Variants in SHANK1 observed in about 807,000 individuals in gnomAD.
SHANK1 encodes SH3 and multiple ankyrin repeat domains protein 1.
In SHANK1, 35 loss-of-function variants were observed where a neutral mutation model predicts 165.6. The observed-to-expected ratio is 0.21, with a 90% CI of 0.16 to 0.28. The LOEUF is 0.28. Among genes scored for constraint, SHANK1 ranks in the 10% least tolerant of loss-of-function variants. SHANK1 has a pLI of 1.00. For missense variants in SHANK1, 2,681 were observed against 3,036.4 expected (o/e 0.88, Z 2.75); for synonymous variants, 1,428 against 1,384.8 (o/e 1.03, Z -0.69).
chr19:50,691,086 C>T (rs1450092299), intron 15 of SHANK1, among the ~76,000 whole-genome samples: 1 of 152,090 alleles, frequency 6.6e-6, no homozygotes, highest in Non-Finnish European at 1.5e-5. Flanking sequence ...GTAAACTCAT[C>T]CACACCATAC....
Position 50,670,599 on chromosome 19 carries a change from G to A in SHANK1, c.2675-1314C>T, listed in dbSNP as rs1985752631. Reference sequence around the variant, plus strand: ...CACCATGACTCCCCAGACCCTGCAGGATCGGGACCCTGTCCCCCCACTGCC... The same window carrying A: ...CACCATGACTCCCCAGACCCTGCAGAATCGGGACCCTGTCCCCCCACTGCC... On this transcript the variant is annotated intron_variant, in intron 22 of 23. Coordinates refer to ENST00000293441, the MANE Select transcript of SHANK1 (RefSeq NM_016148.5). This position sits in a 1 kb window ranked among gnomAD's most constrained non-coding sequence, Gnocchi z 4.1. 1.3e-5 allele frequency among the ~76,000 whole-genome samples: 2 copies of A among 152,058 alleles called. No homozygotes were observed. Among genetic ancestry groups the A allele is most frequent in the Admixed American group, 1.3e-4 (2 of 15,250 alleles).
In SHANK1 at chr19:50,662,616, G is replaced by A. The variant is rs1402709967; in HGVS notation, c.5835C>T (p.Pro1945=). ...KPVSSLFQNW[P]KPPLPPLPTG... ...TGGGGAGTGGCGGCAGAGGTGGTTT[G>A]GGCCAGTTCTGAAACAGGCTGCTGA... Residue 1945 remains proline, a synonymous_variant, in exon 24 of 24, where the codon CCC becomes CCT. Coordinates refer to ENST00000293441, the MANE Select transcript of SHANK1 (RefSeq NM_016148.5). This position sits in a 1 kb window ranked among gnomAD's most constrained non-coding sequence, Gnocchi z 7.7. 6.4e-7 allele frequency: 1 copy of A among 1,564,154 alleles called. No individual in the cohort carries two copies. Among genetic ancestry groups the A allele is most frequent in the East Asian group, 2.4e-5 (1 of 41,974 alleles).
chr19:50,714,388 G>A, intron 4 of SHANK1, 98 bp from the exon 5 acceptor site: 1 of 972,922 alleles, frequency 1.0e-6, no homozygotes, highest in Non-Finnish European at 1.6e-6. Flanking sequence ...TATACGTGGA[G>A]TCACATACGC....
chr19:50,688,130 A>G lies in SHANK1; in HGVS notation c.2173-72T>C, dbSNP rs1986420130. ...GGTGCTTGCAGCTTCAGAGACCCCA[A>G]GGAGGATGCCTCCTGCGCTGCCCTG... On this transcript the variant is annotated intron_variant, in intron 17 of 23. Transcript: ENST00000293441. This position sits in a 1 kb window ranked among gnomAD's most constrained non-coding sequence, Gnocchi z 6.7. 2 of 1,578,798 alleles carry G rather than the reference A, an allele frequency of 1.3e-6. No individual in the cohort carries two copies. The highest frequency in any genetic ancestry group is 3.4e-5 in the Admixed American group (2 of 59,484).
rs1278850665 is a variant in SHANK1 at position 50,662,178 on chromosome 19, G to A, written c.6273C>T (p.Gly2091=). The A allele has an allele frequency of 6.2e-6, 10 of 1,610,764 alleles. No individual in the cohort carries two copies. The highest frequency in any genetic ancestry group is 1.3e-5 in the African/African-American group (1 of 75,004). The stretch of plus-strand genomic sequence containing the variant: ...TGGTCCAGAACCCCAGAGGTTTAGC[G>A]CCAAACGGCTTGTCCGGGGGCAGCG... ...LLSLPPDKPF[G]AKPLGFWTKF... The change falls in exon 24 of 24, where the codon GGC becomes GGT. Residue 2091 remains glycine (G), a synonymous_variant. Coordinates refer to ENST00000293441, the MANE Select transcript of SHANK1 (RefSeq NM_016148.5). The surrounding 1 kb of genome is among the most constrained non-coding windows in gnomAD (Gnocchi z 7.7).
At position 50,697,066 on chromosome 19, in the gene SHANK1, C is replaced by T. The variant is rs748379914; in HGVS notation, c.1964+30G>A. The T allele has an allele frequency of 1.3e-6, 2 of 1,597,386 alleles. No individual in the cohort carries two copies. The highest frequency in any genetic ancestry group is 1.7e-4 in the Middle Eastern group (1 of 6,034). On this transcript the variant is annotated intron_variant, in intron 15 of 23. Transcript: ENST00000293441. The surrounding 1 kb of genome is among the most constrained non-coding windows in gnomAD (Gnocchi z 4.7). ...GGCACCCCGTCCTTCCCCTCCTGAC[C>T]CCATCCCCTCCCTGCCCCTCGCCTC...
chr19:50,662,023 G>T lies in SHANK1; in HGVS notation c.6428C>A (p.Thr2143Asn), dbSNP rs1029454217. The change falls in exon 24 of 24, where the codon ACC becomes AAC. Residue 2143 changes from threonine to asparagine, a missense_variant. This residue lies in a region of SHANK1 where 49 missense variants were observed against 94.2 expected (regional missense o/e 0.52). Transcript: ENST00000293441. This position sits in a 1 kb window ranked among gnomAD's most constrained non-coding sequence, Gnocchi z 7.7. ...TKEDYVDLGV[T>N]RVGHRMNIDR... Reference sequence around the variant, plus strand: ...GATGTTCATGCGGTGGCCCACCCTGGTCACACCTAGATCGACGTAGTCCTC... The same window carrying T: ...GATGTTCATGCGGTGGCCCACCCTGTTCACACCTAGATCGACGTAGTCCTC... The T allele has an allele frequency of 1.2e-6, 2 of 1,614,164 alleles. No individual in the cohort carries two copies. The highest frequency in any genetic ancestry group is 1.7e-6 in the Non-Finnish European group (2 of 1,180,026).
intron 15 of SHANK1, among the ~76,000 whole-genome samples, chr19:50,691,305 C>T (rs1364470663): frequency 6.6e-6 from 1 of 152,062 alleles, no homozygotes; most frequent in Non-Finnish European, 1.5e-5. Context: ...TGTAATGTCC[C>T]CATTCCCACC....
In SHANK1 at chr19:50,717,034, G is replaced by C. The variant is rs981387794; in HGVS notation, c.-43-72C>G. 5 of 1,250,818 alleles carry C rather than the reference G, an allele frequency of 4.0e-6. No homozygotes were observed. Among genetic ancestry groups the C allele is most frequent in the African/African-American group, 1.5e-5 (1 of 65,348 alleles). The allele number at this position is 1,250,818 out of a possible 1,614,324, so 77.5% of individuals were successfully genotyped here. ...CAGAGGCCGCAGGCGCTATTCGGTGGTCAAGCGGTCAAGGGCAGCCTACCC... is the reference window on the plus strand; with the variant it reads ...CAGAGGCCGCAGGCGCTATTCGGTGCTCAAGCGGTCAAGGGCAGCCTACCC... On this transcript the variant is annotated intron_variant, in intron 1 of 23. Transcript: ENST00000293441. The surrounding 1 kb of genome is among the most constrained non-coding windows in gnomAD (Gnocchi z 5.5).
intron 21 of SHANK1, among the ~76,000 whole-genome samples, chr19:50,680,122 G>A (rs1355941721): frequency 1.3e-5 from 2 of 152,052 alleles, no homozygotes; most frequent in Non-Finnish European, 2.9e-5. Context: ...ATGGGGGAGA[G>A]AGGGAGGTGG....
intron 8 of SHANK1, among the ~76,000 whole-genome samples, chr19:50,706,669 G>T (rs538577261): frequency 6.6e-6 from 1 of 151,592 alleles, no homozygotes; most frequent in South Asian, 2.1e-4. Flanking sequence ...TCCTCACTTC[G>T]TTCAGGCTTT....
In SHANK1 at chr19:50,693,222, AC is replaced by A. The variant is rs963453239; in HGVS notation, c.1964+3873del. ...ACTGCCCAAATCCCCACCCCCAAAT[AC>A]CCCCCCACATTCCCTGAATTCCCTC... On this transcript the variant is annotated intron_variant, in intron 15 of 23. Transcript: ENST00000293441. 2.3e-4 allele frequency among the ~76,000 whole-genome samples: 13 copies of A among 55,830 alleles called. No homozygotes were observed. In the South Asian group the frequency reaches 9.1e-3, roughly 39 times the overall value. The allele number at this position is 55,830 out of a possible 152,430, so 36.6% of individuals were successfully genotyped here. A position where few individuals can be genotyped will look rare whatever the true frequency, so the allele number is the denominator to read the frequency against.
chr19:50,679,300 G>A (rs1465485787), intron 21 of SHANK1, among the ~76,000 whole-genome samples: 1 of 151,540 alleles, frequency 6.6e-6, no homozygotes, highest in East Asian at 1.9e-4. Flanking sequence ...GACAGAGGAG[G>A]GTGCAGAGTG....
At chr19:50,687,869 G>T (rs538373431) in intron 18 of SHANK1, 54 bp downstream of exon 18, 1 of 1,606,326 alleles carries the variant, frequency 6.2e-7, no homozygotes, top group Admixed American at 1.7e-5. Context: ...TGGGGCTCCC[G>T]CAGGGCTGAG....
chr19:50,711,577 T>C (rs921301023), intron 7 of SHANK1, 90 bp from the exon 8 acceptor site: 46 of 900,400 alleles, frequency 5.1e-5, no homozygotes, highest in African/African-American at 4.5e-4. Flanking sequence ...TGCACTGGCC[T>C]TCTCATCCTA....
chr19:50,665,924 T>C (rs2123069907), intron 23 of SHANK1, among the ~76,000 whole-genome samples: 1 of 148,178 alleles, frequency 6.7e-6, no homozygotes, highest in Middle Eastern at 3.4e-3. Flanking sequence ...GGCAGGAGAA[T>C]CGCTTGAACC....
At chr19:50,671,748 G>T (rs529812149) in intron 22 of SHANK1, among the ~76,000 whole-genome samples, 1 of 152,046 alleles carries the variant, frequency 6.6e-6, no homozygotes, top group East Asian at 1.9e-4. Context: ...TGTAGCGGGG[G>T]CTTTAGCTCA....
intron 21 of SHANK1, among the ~76,000 whole-genome samples, chr19:50,679,916 A>G (rs1986119172): frequency 6.6e-6 from 1 of 151,928 alleles, no homozygotes; most frequent in Non-Finnish European, 1.5e-5. Context: ...AGACAGAGAC[A>G]GAGACAAAGG....
chr19:50,685,592 C>T (rs970086205), intron 21 of SHANK1, among the ~76,000 whole-genome samples: 2 of 152,044 alleles, frequency 1.3e-5, no homozygotes, highest in African/African-American at 4.8e-5. Flanking sequence ...GGCATGGTGG[C>T]ACACACCTGT....
Sources: allele counts gnomAD v4.1 joint callset (sites outside exome capture counted in the v4.1 genomes callset), GRCh38; gene constraint gnomAD v4.1.1; regional missense constraint gnomAD v4.1.1; non-coding constraint Gnocchi (gnomAD v3.1); transcripts MANE v1.5; gene names NCBI Gene and HGNC (gene_info 2026-07-23, HGNC 2026-07-21).